Variants in FBLN1 observed in about 807,000 individuals in gnomAD.
The protein encoded by FBLN1 is fibulin-1.
In FBLN1, 34 loss-of-function variants were observed where a neutral mutation model predicts 89.7. The observed-to-expected ratio is 0.38, with a 90% CI of 0.29 to 0.50. FBLN1 has a LOEUF of 0.50. Ranked by LOEUF, FBLN1 falls within the 20% of genes least tolerant of loss-of-function variation. The pLI, the probability that FBLN1 is intolerant of heterozygous loss-of-function variation, is 0.92. For missense variants in FBLN1, 777 were observed against 988.1 expected (o/e 0.79, Z 2.86); for synonymous variants, 393 against 391.3 (o/e 1.00, Z -0.05).
At position 45,566,152 on chromosome 22, in the gene FBLN1, G is replaced by A. The variant is rs79315898; in HGVS notation, c.1698-8359G>A. ...ATTCAGGCATCCATTTGTCAGGGGC[G>A]GGATTACTCAGGCTGGAAGGAACAC... is the stretch of plus-strand genomic sequence containing the variant. On this transcript the variant is annotated intron_variant, in intron 14 of 16. Coordinates refer to ENST00000327858, the MANE Select transcript of FBLN1 (RefSeq NM_006486.3). 2.3e-3 allele frequency among the ~76,000 whole-genome samples: 357 copies of A among 152,264 alleles called. 3 individuals are homozygous for A. The highest frequency in any genetic ancestry group is 8.1e-3 in the African/African-American group (335 of 41,544).
rs1375978968 is a variant in FBLN1, at chr22:45,574,266, G to T, written c.1698-245G>T. Reference sequence around the variant, plus strand: ...ACAAATGTCCAAGCTGTGCTTATCCGCCAGGGCACATGGAAGCTGGAGGGT... The same window carrying T: ...ACAAATGTCCAAGCTGTGCTTATCCTCCAGGGCACATGGAAGCTGGAGGGT... On this transcript the variant is annotated intron_variant, in intron 14 of 16. Coordinates refer to ENST00000327858, the MANE Select transcript of FBLN1 (RefSeq NM_006486.3). This position sits in a 1 kb window ranked among gnomAD's most constrained non-coding sequence, Gnocchi z 4.1. 1.3e-5 allele frequency among the ~76,000 whole-genome samples: 2 copies of T among 152,176 alleles called. No homozygotes were observed. Among genetic ancestry groups the T allele is most frequent in the Non-Finnish European group, 2.9e-5 (2 of 68,030 alleles).
intron 3 of FBLN1, among the ~76,000 whole-genome samples, chr22:45,526,371 A>G (rs1014418414): frequency 1.6e-4 from 24 of 152,190 alleles, no homozygotes; most frequent in Non-Finnish European, 3.1e-4. Context: ...GGTGCCTGAC[A>G]GCATTGCCTA....
At chr22:45,558,920 T>C (rs1376224806) in intron 14 of FBLN1, among the ~76,000 whole-genome samples, 1 of 152,256 alleles carries the variant, frequency 6.6e-6, no homozygotes, top group African/African-American at 2.4e-5. Flanking sequence ...TTGCTACTTC[T>C]CACTTACTGG....
At position 45,580,027 on chromosome 22, in the gene FBLN1, TC is replaced by T. The variant is rs1207256745; in HGVS notation, c.1972+2923del. On this transcript the variant is annotated intron_variant, in intron 16 of 16. Coordinates refer to ENST00000327858, the MANE Select transcript of FBLN1 (RefSeq NM_006486.3). The surrounding 1 kb of genome is among the most constrained non-coding windows in gnomAD (Gnocchi z 8.6). ...TTGCTGGGCACCTTCACCCCCGCAT[TC>T]CCCAGTCCTCACAGACACTGCCAGC... 1.3e-5 allele frequency among the ~76,000 whole-genome samples: 2 copies of T among 151,982 alleles called. No homozygotes were observed. The highest frequency in any genetic ancestry group is 1.3e-4 in the Admixed American group (2 of 15,244).
chr22:45,542,098 G>T (rs1655278727), intron 9 of FBLN1, 57 bp from the exon 10 acceptor site: 1 of 1,611,996 alleles, frequency 6.2e-7, no homozygotes, highest in African/African-American at 1.3e-5. Flanking sequence ...TGATCATCTT[G>T]GGGGGAAAAA....
intron 16 of FBLN1, among the ~76,000 whole-genome samples, chr22:45,582,139 T>C (rs1385398812): frequency 6.6e-6 from 1 of 152,214 alleles, no homozygotes; most frequent in Non-Finnish European, 1.5e-5. Flanking sequence ...TGTTCGAGGA[T>C]AGGGCTTAGA....
In FBLN1 at chr22:45,550,905, G is replaced by T. The variant is rs1202492316; in HGVS notation, c.1697+290G>T. Reference sequence around the variant, plus strand: ...CACAGCCCTCTTTTTTCCTAGGGTGGAAGCCTTGGGCAAGCTCTCTGGGCC... The same window carrying T: ...CACAGCCCTCTTTTTTCCTAGGGTGTAAGCCTTGGGCAAGCTCTCTGGGCC... On this transcript the variant is annotated intron_variant, in intron 14 of 16. Coordinates refer to ENST00000327858, the MANE Select transcript of FBLN1 (RefSeq NM_006486.3). This position sits in a 1 kb window ranked among gnomAD's most constrained non-coding sequence, Gnocchi z 8.4. 2 of 485,060 alleles carry T rather than the reference G, an allele frequency of 4.1e-6. No homozygotes were observed. The highest frequency in any genetic ancestry group is 3.9e-5 in the African/African-American group (2 of 51,376). 30.0% of individuals were successfully genotyped at this position (485,060 alleles called of 1,614,324 possible).
chr22:45,594,521 C>T (rs2089166419), intron 16 of FBLN1, among the ~76,000 whole-genome samples: 1 of 151,918 alleles, frequency 6.6e-6, no homozygotes, highest in African/African-American at 2.4e-5. Context: ...TAAAGCTCCT[C>T]TGTGCAGAGT....
chr22:45,528,825 G>A (rs895992690), intron 4 of FBLN1, among the ~76,000 whole-genome samples: 1 of 152,190 alleles, frequency 6.6e-6, no homozygotes, highest in African/African-American at 2.4e-5. Context: ...AGCCATTCAT[G>A]TTTGTGACCT....
At position 45,590,502 on chromosome 22, in the gene FBLN1, G is replaced by A. The variant is rs1349035415; in HGVS notation, c.1973-9805G>A. Among the ~76,000 whole-genome samples, 1 of 152,298 alleles carries A rather than the reference G, an allele frequency of 6.6e-6. No homozygotes were observed. Among genetic ancestry groups the A allele is most frequent in the South Asian group, 2.1e-4 (1 of 4,820 alleles). On this transcript the variant is annotated intron_variant, in intron 16 of 16. Transcript: ENST00000327858. This position sits in a 1 kb window ranked among gnomAD's most constrained non-coding sequence, Gnocchi z 4.1. The stretch of plus-strand genomic sequence containing the variant: ...CCTGCTGTGAGCCCGGGTGGGGGTA[G>A]GGTGAGAAGAGCCCCCTGCAGAGCC...
intron 12 of FBLN1, among the ~76,000 whole-genome samples, chr22:45,548,197 G>T (rs979183017): frequency 6.6e-6 from 1 of 152,118 alleles, no homozygotes; most frequent in African/African-American, 2.4e-5. Context: ...CCACAGGCAT[G>T]CACCAGTATG....
At chr22:45,519,143 G>C (rs897766895) in intron 2 of FBLN1, among the ~76,000 whole-genome samples, 2 of 152,310 alleles carry the variant, frequency 1.3e-5, no homozygotes, top group South Asian at 2.1e-4. Context: ...AAAGAGCTTT[G>C]CGAGTGGAAA....
chr22:45,517,288 C>T (rs2088182378), intron 1 of FBLN1: 1 of 306,938 alleles, frequency 3.3e-6, no homozygotes, highest in East Asian at 1.1e-4. Flanking sequence ...CGAGAGGTGA[C>T]CTTCTGCCCA....
intron 14 of FBLN1, among the ~76,000 whole-genome samples, chr22:45,564,584 C>T (rs943471696): frequency 1.1e-4 from 16 of 152,242 alleles, no homozygotes; most frequent in African/African-American, 3.6e-4. Context: ...CCCTGCCACC[C>T]CTGGCTTCTG....
chr22:45,584,881 C>T (rs2089071560), intron 16 of FBLN1, among the ~76,000 whole-genome samples: 2 of 152,240 alleles, frequency 1.3e-5, no homozygotes, highest in African/African-American at 2.4e-5. Context: ...AGTCAGCAAG[C>T]AGGCCTCTCA....
At chr22:45,525,508 A>T in intron 2 of FBLN1, 35 bp from the exon 3 acceptor site, 1 of 1,548,180 alleles carries the variant, frequency 6.5e-7, no homozygotes, top group Non-Finnish European at 8.7e-7. Context: ...CCCCCTGCGC[A>T]CAGAGCCTTG....
chr22:45,582,807 G>A (rs1437785798), intron 16 of FBLN1, among the ~76,000 whole-genome samples: 1 of 152,206 alleles, frequency 6.6e-6, no homozygotes. Context: ...GAGTGTGTGC[G>A]TGTGTGTGGG....
In FBLN1 at chr22:45,528,022, C is replaced by G; in HGVS notation, c.484+13C>G. 6.2e-7 allele frequency: 1 copy of G among 1,613,908 alleles called. No individual in the cohort carries two copies. The highest frequency in any genetic ancestry group is 8.5e-7 in the Non-Finnish European group (1 of 1,179,782). The stretch of plus-strand genomic sequence containing the variant: ...CTCCAAGAAACGGGTAACTTTCCCC[C>G]TTCCTTCCCTAATGAGCAGTGTATT... On this transcript the variant is annotated intron_variant, in intron 4 of 16. Coordinates refer to ENST00000327858, the MANE Select transcript of FBLN1 (RefSeq NM_006486.3).
In FBLN1 at chr22:45,561,823, G is replaced by A. The variant is rs1244966164; in HGVS notation, c.1697+11208G>A. ...GCTGAGGAGCAAGGAGAGCCAGTCC[G>A]AGTCCCAAAACTGAAGAACTTGGAG... On this transcript the variant is annotated intron_variant, in intron 14 of 16. Transcript: ENST00000327858. The surrounding 1 kb of genome is among the most constrained non-coding windows in gnomAD (Gnocchi z 4.7). Among the ~76,000 whole-genome samples, 3 of 152,160 alleles carry A rather than the reference G, an allele frequency of 2.0e-5. No individual in the cohort carries two copies. Among genetic ancestry groups the A allele is most frequent in the African/African-American group, 4.8e-5 (2 of 41,428 alleles).
Sources: allele counts gnomAD v4.1 joint callset (sites outside exome capture counted in the v4.1 genomes callset), GRCh38; gene constraint gnomAD v4.1.1; non-coding constraint Gnocchi (gnomAD v3.1); transcripts MANE v1.5; gene names NCBI Gene and HGNC (gene_info 2026-07-23, HGNC 2026-07-21).